The following PRR5L variants were observed in gnomAD, a reference collection of about 807,000 sequenced individuals.
PRR5L encodes the protein proline-rich protein 5-like.
Under a neutral mutation model 36.4 loss-of-function variants are expected in PRR5L, and 21 were observed. That is an observed-to-expected ratio of 0.58 (90% CI 0.41 to 0.83). The LOEUF is 0.83. Ranked by LOEUF, PRR5L falls within the 40% of genes least tolerant of loss-of-function variation. The probability of loss-of-function intolerance (pLI) is 0.00; values close to 1 mark genes in which losing one functional copy is unlikely to be tolerated. For synonymous variants in PRR5L, 188 were observed against 197.0 expected (o/e 0.95, Z 0.38); for missense variants, 381 against 473.3 (o/e 0.80, Z 1.81).
intron 1 of PRR5L, among the ~76,000 whole-genome samples, chr11:36,351,780 T>C (rs1468710124): frequency 3.7e-5 from 1 of 26,752 alleles, no homozygotes; most frequent in Non-Finnish European, 7.0e-5. Flanking sequence ...TATATATTTA[T>C]ATATTTTTTT....
In PRR5L at chr11:36,306,263, A is replaced by C. The variant is rs1590425342; in HGVS notation, c.-126+9825A>C. Among the ~76,000 whole-genome samples, 3 of 152,098 alleles carry C rather than the reference A, an allele frequency of 2.0e-5. No homozygotes were observed. The South Asian group carries it at 6.2e-4, about 32-fold the overall frequency. On this transcript the variant is annotated intron_variant, in intron 1 of 8. Transcript: ENST00000530639. ...CCCCAGCCCCCCATCCTGGTGTGTG[A>C]TGTTCCCTGCCCTGTGTCCAAGTGA... is the stretch of plus-strand genomic sequence containing the variant.
intron 3 of PRR5L, among the ~76,000 whole-genome samples, chr11:36,415,064 G>T (rs1858112448): frequency 6.7e-6 from 1 of 149,308 alleles, no homozygotes; most frequent in African/African-American, 2.5e-5. Context: ...CTGTTCCATT[G>T]ATCTATATCT....
chr11:36,360,757 A>G (rs960980581), intron 1 of PRR5L, among the ~76,000 whole-genome samples: 4 of 152,216 alleles, frequency 2.6e-5, no homozygotes, highest in Non-Finnish European at 5.9e-5. Context: ...GGTATATGTT[A>G]TTACTCAAGA....
At chr11:36,350,702 T>TC (rs894352903) in intron 1 of PRR5L, among the ~76,000 whole-genome samples, 3 of 150,922 alleles carry the variant, frequency 2.0e-5, no homozygotes, top group African/African-American at 7.3e-5. Flanking sequence ...TCCCACCCTT[T>TC]CCCCCGAGTC....
chr11:36,362,268 C>T (rs1857097924), intron 1 of PRR5L: 2 of 152,104 alleles, frequency 1.3e-5, no homozygotes, highest in South Asian at 4.1e-4. Flanking sequence ...CTCTGACTCA[C>T]TGAAACGGAT....
At chr11:36,323,906 T>G (rs1856636224) in intron 1 of PRR5L, among the ~76,000 whole-genome samples, 1 of 152,118 alleles carries the variant, frequency 6.6e-6, no homozygotes, top group Non-Finnish European at 1.5e-5. Flanking sequence ...GAGCTAAAAT[T>G]TAAAAGACTA....
At chr11:36,349,514 G>A (rs186248862) in intron 1 of PRR5L, among the ~76,000 whole-genome samples, 46 of 152,150 alleles carry the variant, frequency 3.0e-4, no homozygotes, top group Middle Eastern at 3.4e-3. Context: ...CAAGTATCCC[G>A]CTTCCTTCTG....
rs766652476 is a variant in PRR5L at position 36,437,502 on chromosome 11, T to C, written c.444+26T>C. 5 of 1,397,084 alleles carry C rather than the reference T, an allele frequency of 3.6e-6. No individual in the cohort carries two copies. In the South Asian group the frequency reaches 4.8e-5, roughly 13 times the overall value. 86.5% of individuals were successfully genotyped at this position (1,397,084 alleles called of 1,614,324 possible). On this transcript the variant is annotated intron_variant, in intron 6 of 8. Coordinates refer to ENST00000530639, the MANE Select transcript of PRR5L (RefSeq NM_001160167.2). Reference sequence around the variant, plus strand: ...GTTAGTCTCATTGGGGAACACTTCCTGCCATCCTCAGCGATCTGTCTTCTC... The same window carrying C: ...GTTAGTCTCATTGGGGAACACTTCCCGCCATCCTCAGCGATCTGTCTTCTC...
chr11:36,313,396 A>G (rs1362580954), intron 1 of PRR5L, among the ~76,000 whole-genome samples: 2 of 152,196 alleles, frequency 1.3e-5, no homozygotes, highest in African/African-American at 4.8e-5. Flanking sequence ...CTACGCCAAT[A>G]TTCGGGGCTC....
At chr11:36,355,142 C>T (rs1262962144) in intron 1 of PRR5L, among the ~76,000 whole-genome samples, 1 of 152,202 alleles carries the variant, frequency 6.6e-6, no homozygotes, top group East Asian at 1.9e-4. Context: ...AGGGAGGTCT[C>T]ATCTGCCTCA....
chr11:36,407,825 G>A (rs72950102), intron 3 of PRR5L, among the ~76,000 whole-genome samples: 1,584 of 152,272 alleles, frequency 0.01, 12 homozygotes, highest in Non-Finnish European at 0.017. Context: ...ATTATAAGTG[G>A]CCTTTCCATT....
At chr11:36,392,433 A>C (rs1395612635) in intron 1 of PRR5L, among the ~76,000 whole-genome samples, 1 of 152,182 alleles carries the variant, frequency 6.6e-6, no homozygotes, top group Non-Finnish European at 1.5e-5. Flanking sequence ...CATTCCCACC[A>C]ACAGTATATG....
At chr11:36,332,566 C>T (rs1043937606) in intron 1 of PRR5L, among the ~76,000 whole-genome samples, 1 of 152,154 alleles carries the variant, frequency 6.6e-6, no homozygotes, top group Admixed American at 6.5e-5. Context: ...ATGGTTTGGA[C>T]ATTTGTCCCC....
chr11:36,319,800 T>C (rs943165230), intron 1 of PRR5L, among the ~76,000 whole-genome samples: 5 of 152,062 alleles, frequency 3.3e-5, no homozygotes, highest in African/African-American at 1.2e-4. Flanking sequence ...GATTCCAAAT[T>C]CCTTGGGGGA....
intron 8 of PRR5L, among the ~76,000 whole-genome samples, chr11:36,460,819 G>A (rs1217212034): frequency 2.6e-5 from 4 of 152,196 alleles, no homozygotes; most frequent in Non-Finnish European, 4.4e-5. Flanking sequence ...CTGCCTGCCG[G>A]GGCACCTCTC....
rs761057765 is a variant in PRR5L, at chr11:36,446,441, G to A, written c.585+1G>A. 10 of 1,614,054 alleles carry A rather than the reference G, an allele frequency of 6.2e-6. No homozygotes were observed. The highest frequency in any genetic ancestry group is 8.5e-6 in the Non-Finnish European group (10 of 1,179,982). On this transcript the variant is annotated splice_donor_variant, in intron 7 of 8. Transcript: ENST00000530639. LOFTEE classifies it high-confidence loss of function. ...TGTCCAGATGTTGCTCATCCTGCAGGTGAGGCTGTGCTGGAGACTTGCCCC... is the reference window on the plus strand; with the variant it reads ...TGTCCAGATGTTGCTCATCCTGCAGATGAGGCTGTGCTGGAGACTTGCCCC...
intron 1 of PRR5L, among the ~76,000 whole-genome samples, chr11:36,386,197 G>A (rs947905324): frequency 1.3e-5 from 2 of 152,118 alleles, no homozygotes; most frequent in Non-Finnish European, 2.9e-5. Context: ...TGAGGTGGGA[G>A]GATTGCTTGA....
At chr11:36,376,418 G>T in intron 1 of PRR5L, 1 of 1,149,500 alleles carries the variant, frequency 8.7e-7, no homozygotes, top group South Asian at 1.7e-5. Flanking sequence ...TCACCAGCCC[G>T]GCTGTGGGAG....
chr11:36,372,154 A>C (rs1330887117), intron 1 of PRR5L, among the ~76,000 whole-genome samples: 1 of 152,220 alleles, frequency 6.6e-6, no homozygotes, highest in African/African-American at 2.4e-5. Flanking sequence ...GAAGCAGTTA[A>C]TCAGAGGAAG....
Sources: gnomAD v4.1 joint callset for allele counts (sites outside exome capture counted in the v4.1 genomes callset) on GRCh38, gnomAD v4.1.1 for gene constraint, MANE v1.5 for transcripts, NCBI Gene and HGNC (gene_info 2026-07-23, HGNC 2026-07-21) for gene names.